GRID2: variants seen among roughly 807,000 people sequenced by gnomAD.
The protein encoded by GRID2 is glutamate receptor ionotropic, delta-2.
A neutral mutation model predicts 114.8 loss-of-function variants in GRID2; 33 were observed. The ratio of observed to expected loss-of-function variants is 0.29; its 90% confidence interval spans 0.22 to 0.38. The LOEUF (loss-of-function observed/expected upper bound fraction) is 0.38, where lower values mean the gene tolerates loss of function less well. GRID2 is among the 10% of genes least tolerant of loss of function. The pLI is 1.00. For missense variants in GRID2, 1,184 were observed against 1,257.7 expected, an observed-to-expected ratio of 0.94 and a Z score of 0.89; for synonymous variants, 505 against 449.9, an observed-to-expected ratio of 1.12 and a Z score of -1.55.
intron 2 of GRID2, among the ~76,000 whole-genome samples, chr4:92,747,366 T>C (rs1333815096): frequency 6.6e-6 from 1 of 152,132 alleles, no homozygotes; most frequent in African/African-American, 2.4e-5. Flanking sequence ...TTGAATATAC[T>C]AGAAAAAATA....
chr4:93,745,445 T>C (rs1731762744), intron 14 of GRID2, among the ~76,000 whole-genome samples: 1 of 152,192 alleles, frequency 6.6e-6, no homozygotes, highest in Non-Finnish European at 1.5e-5. Context: ...CAGAGGCTGA[T>C]GCACATTTAT....
intron 2 of GRID2, among the ~76,000 whole-genome samples, chr4:92,609,693 T>C (rs1375270685): frequency 6.6e-6 from 1 of 151,326 alleles, no homozygotes; most frequent in Non-Finnish European, 1.5e-5. Flanking sequence ...TAGTACCTTA[T>C]TTCCATTTAT....
At chr4:92,526,453 C>G (rs554806680) in intron 1 of GRID2, among the ~76,000 whole-genome samples, 1 of 152,188 alleles carries the variant, frequency 6.6e-6, no homozygotes, top group African/African-American at 2.4e-5. Context: ...AAGGGATTCA[C>G]CTGCCTCAGT....
chr4:93,140,851 A>T (rs1424102966), intron 4 of GRID2, among the ~76,000 whole-genome samples: 1 of 152,182 alleles, frequency 6.6e-6, no homozygotes, highest in African/African-American at 2.4e-5. Flanking sequence ...CATGTTAGAA[A>T]ATATTAAGGT....
intron 1 of GRID2, among the ~76,000 whole-genome samples, chr4:92,311,831 T>C (rs1725722623): frequency 6.6e-6 from 1 of 152,092 alleles, no homozygotes; most frequent in Non-Finnish European, 1.5e-5. Flanking sequence ...TATGAAGCAT[T>C]GCTTTTAGTC....
chr4:93,339,387 C>G (rs2149243814), intron 8 of GRID2, among the ~76,000 whole-genome samples: 1 of 152,224 alleles, frequency 6.6e-6, no homozygotes, highest in Middle Eastern at 3.4e-3. Flanking sequence ...CAGAGACACA[C>G]AGGGAGGATT....
At chr4:93,336,860 G>C (rs2149239881) in intron 8 of GRID2, among the ~76,000 whole-genome samples, 1 of 151,708 alleles carries the variant, frequency 6.6e-6, no homozygotes, top group African/African-American at 2.4e-5. Context: ...TCTTTGTTTG[G>C]TTCTTTATTT....
At chr4:93,242,523 G>T (rs557087587) in intron 8 of GRID2, among the ~76,000 whole-genome samples, 20 of 152,132 alleles carry the variant, frequency 1.3e-4, no homozygotes, top group Admixed American at 8.5e-4. Context: ...TAAGAACATT[G>T]GCAAGGCAAT....
At chr4:92,398,202 T>C (rs1730601655) in intron 1 of GRID2, among the ~76,000 whole-genome samples, 2 of 152,040 alleles carry the variant, frequency 1.3e-5, no homozygotes, top group African/African-American at 2.4e-5. Flanking sequence ...TATAAAGATA[T>C]GAAAGTATCG....
chr4:92,850,755 T>C (rs1391807855), intron 2 of GRID2, among the ~76,000 whole-genome samples: 2 of 151,930 alleles, frequency 1.3e-5, no homozygotes, highest in Admixed American at 6.6e-5. Flanking sequence ...GGTTGAAATG[T>C]AGAGCTGTTG....
At chr4:92,305,406 C>T (rs1725326740) in intron 1 of GRID2, among the ~76,000 whole-genome samples, 1 of 152,188 alleles carries the variant, frequency 6.6e-6, no homozygotes, top group Non-Finnish European at 1.5e-5. Flanking sequence ...CTCGCCTCCT[C>T]GGACACGCTC....
chr4:93,436,103 A>G (rs1219239009), intron 10 of GRID2, among the ~76,000 whole-genome samples: 1 of 152,158 alleles, frequency 6.6e-6, no homozygotes, highest in African/African-American at 2.4e-5. Flanking sequence ...ATTGAAGTGA[A>G]AAGATAATTT....
chr4:93,406,665 AT>A (rs1412826909), intron 9 of GRID2, among the ~76,000 whole-genome samples: 9 of 152,128 alleles, frequency 5.9e-5, no homozygotes, highest in African/African-American at 2.2e-4. Flanking sequence ...GAAAGTATGT[AT>A]TTATCTTTGA....
At position 93,170,698 on chromosome 4, in the gene GRID2, G is replaced by C. The variant is rs149430919; in HGVS notation, c.736-36706G>C. 1.1e-4 allele frequency among the ~76,000 whole-genome samples: 17 copies of C among 152,260 alleles called. No individual in the cohort carries two copies. The East Asian group carries it at 2.9e-3, about 26-fold the overall frequency. On this transcript the variant is annotated intron_variant, in intron 4 of 15. Coordinates refer to ENST00000282020, the MANE Select transcript of GRID2 (RefSeq NM_001510.4). ...CCAGAAAGAGGATCTGATTGGCGCAGCTTTGGGTAACTGTTTCCAGCATAC... is the reference window on the plus strand; with the variant it reads ...CCAGAAAGAGGATCTGATTGGCGCACCTTTGGGTAACTGTTTCCAGCATAC...
chr4:92,599,880 C>A (rs777856934), intron 2 of GRID2, among the ~76,000 whole-genome samples: 8 of 151,254 alleles, frequency 5.3e-5, no homozygotes, highest in Non-Finnish European at 8.8e-5. Flanking sequence ...CAAAAATTAG[C>A]TGGGCCTGGT....
intron 8 of GRID2, among the ~76,000 whole-genome samples, chr4:93,380,038 C>CA (rs1363288119): frequency 6.6e-6 from 1 of 151,932 alleles, no homozygotes; most frequent in Non-Finnish European, 1.5e-5. Context: ...CTGCGAAAAA[C>CA]AAAAAGTATG....
chr4:93,168,915 G>C (rs2149419013), intron 4 of GRID2, among the ~76,000 whole-genome samples: 1 of 152,092 alleles, frequency 6.6e-6, no homozygotes, highest in South Asian at 2.1e-4. Flanking sequence ...ACACTGGTAG[G>C]ATAACAATTA....
At chr4:92,316,007 A>AAAG (rs764910382) in intron 1 of GRID2, among the ~76,000 whole-genome samples, 2 of 150,686 alleles carry the variant, frequency 1.3e-5, no homozygotes, top group African/African-American at 4.9e-5. Context: ...AAAAAAAAAA[A>AAAG]AAAAAAAGAA....
chr4:93,354,413 A>C (rs560038920), intron 8 of GRID2, among the ~76,000 whole-genome samples: 1 of 152,054 alleles, frequency 6.6e-6, no homozygotes, highest in African/African-American at 2.4e-5. Context: ...GTCAAGCTAC[A>C]GAAAGGACTA....
Sources: allele counts gnomAD v4.1 joint callset (sites outside exome capture counted in the v4.1 genomes callset), GRCh38; gene constraint gnomAD v4.1.1; transcripts MANE v1.5; gene names NCBI Gene and HGNC (gene_info 2026-07-23, HGNC 2026-07-21).